Variants in SIPA1L1 observed in about 807,000 individuals in gnomAD.
The protein encoded by SIPA1L1 is signal induced proliferation associated 1 like 1.
SIPA1L1 carries 26 observed loss-of-function variants against 162.7 expected under a neutral mutation model. That is an observed-to-expected ratio of 0.16 (90% CI 0.12 to 0.22). The LOEUF (loss-of-function observed/expected upper bound fraction) is 0.22. SIPA1L1 is among the 10% of genes least tolerant of loss of function. The probability of loss-of-function intolerance (pLI) is 1.00; values close to 1 mark genes in which losing one functional copy is unlikely to be tolerated. For synonymous variants in SIPA1L1, 829 were observed against 837.4 expected (o/e 0.99, Z 0.17); for missense variants, 1,874 against 2,241.0 (o/e 0.84, Z 3.31).
At chr14:71,426,311 G>A (rs753732370) in intron 2 of SIPA1L1, among the ~76,000 whole-genome samples, 1 of 151,534 alleles carries the variant, frequency 6.6e-6, no homozygotes, top group Non-Finnish European at 1.5e-5. Context: ...TAGCTTTTTG[G>A]TTCCTTATTT....
At chr14:71,544,485 T>G (rs1361282965) in intron 4 of SIPA1L1, among the ~76,000 whole-genome samples, 1 of 152,178 alleles carries the variant, frequency 6.6e-6, no homozygotes, top group Admixed American at 6.5e-5. Flanking sequence ...TCAAATTTCT[T>G]GAGTTTTTTT....
At chr14:71,358,615 C>T (rs1421804202) in intron 2 of SIPA1L1, among the ~76,000 whole-genome samples, 1 of 152,156 alleles carries the variant, frequency 6.6e-6, no homozygotes, top group African/African-American at 2.4e-5. Flanking sequence ...AACAGCCTGT[C>T]CTTTTTCTTT....
chr14:71,432,406 A>G (rs372989964), intron 2 of SIPA1L1, among the ~76,000 whole-genome samples: 7 of 152,174 alleles, frequency 4.6e-5, no homozygotes, highest in East Asian at 3.9e-4. Flanking sequence ...CTCTCTGAGC[A>G]TGAATTCCTT....
chr14:71,660,452 ACTG>A (rs2043417199), intron 9 of SIPA1L1, among the ~76,000 whole-genome samples: 1 of 152,100 alleles, frequency 6.6e-6, no homozygotes, highest in Non-Finnish European at 1.5e-5. Context: ...ATACTAGATC[ACTG>A]ATTTTACTGG....
chr14:71,647,127 T>C (rs1363581595), intron 7 of SIPA1L1, among the ~76,000 whole-genome samples: 1 of 152,150 alleles, frequency 6.6e-6, no homozygotes, highest in African/African-American at 2.4e-5. Flanking sequence ...GAAATCAAGA[T>C]ACAGTCACAT....
intron 5 of SIPA1L1, among the ~76,000 whole-genome samples, chr14:71,614,295 T>C (rs1441390135): frequency 6.6e-6 from 1 of 151,634 alleles, no homozygotes; most frequent in African/African-American, 2.4e-5. Flanking sequence ...TACCAGAGGG[T>C]TAAATTTAAA....
chr14:71,456,720 G>C (rs2046215080), intron 2 of SIPA1L1, among the ~76,000 whole-genome samples: 1 of 152,160 alleles, frequency 6.6e-6, no homozygotes, highest in African/African-American at 2.4e-5. Context: ...ACATTTTTAA[G>C]TTTTTAATTT....
At chr14:71,497,351 C>A (rs940878770) in intron 2 of SIPA1L1, among the ~76,000 whole-genome samples, 1 of 152,082 alleles carries the variant, frequency 6.6e-6, no homozygotes, top group African/African-American at 2.4e-5. Flanking sequence ...TGGCCCATAC[C>A]GTTCTAAATG....
chr14:71,608,818 C>G (rs1284653748), intron 5 of SIPA1L1, among the ~76,000 whole-genome samples: 1 of 152,092 alleles, frequency 6.6e-6, no homozygotes, highest in African/African-American at 2.4e-5. Context: ...TTGCTTGAAC[C>G]TGGGAGTTGG....
rs140023480 is a variant in SIPA1L1, at chr14:71,477,282, T to C, written c.-464-35461T>C. On this transcript the variant is annotated intron_variant, in intron 2 of 23. Transcript: ENST00000381232. Reference sequence around the variant, plus strand: ...TAAAACAAGAACAAAAAAGTTCTTTTATGTTATACTGTCTCCCCACCTCTA... The same window carrying C: ...TAAAACAAGAACAAAAAAGTTCTTTCATGTTATACTGTCTCCCCACCTCTA... 1.3e-5 allele frequency among the ~76,000 whole-genome samples: 2 copies of C among 152,114 alleles called. 1 individual carries two copies. The highest frequency in any genetic ancestry group is 6.3e-3 in the Middle Eastern group (2 of 316).
At chr14:71,731,087 T>A (rs1237135843) in intron 20 of SIPA1L1, among the ~76,000 whole-genome samples, 1 of 152,190 alleles carries the variant, frequency 6.6e-6, no homozygotes, top group Non-Finnish European at 1.5e-5. Context: ...CTGTCCTTTT[T>A]CCTTTGGTGA....
chr14:71,348,602 G>C (rs1421663760), intron 2 of SIPA1L1, among the ~76,000 whole-genome samples: 3 of 152,194 alleles, frequency 2.0e-5, no homozygotes, highest in Non-Finnish European at 4.4e-5. Flanking sequence ...GTATGTCTAA[G>C]AGTGGACTTG....
Position 71,681,411 on chromosome 14 carries a change from C to G in SIPA1L1, c.3105-3951C>G, listed in dbSNP as rs549334880. On this transcript the variant is annotated intron_variant, in intron 12 of 23. Transcript: ENST00000381232. Reference sequence around the variant, plus strand: ...CAACCCTTTATTCTGTTGAGGGCCACTAGCCTATAGTTCTTAAAGAAAGCA... The same window carrying G: ...CAACCCTTTATTCTGTTGAGGGCCAGTAGCCTATAGTTCTTAAAGAAAGCA... 9.2e-5 allele frequency among the ~76,000 whole-genome samples: 14 copies of G among 152,304 alleles called. No homozygotes were observed. The South Asian group carries it at 2.9e-3, about 32-fold the overall frequency.
Position 71,724,818 on chromosome 14 carries a change from T to C in SIPA1L1, c.4597T>C (p.Ser1533Pro). Residue 1533 changes from serine (S) to proline (P), a missense_variant, in exon 19 of 24, where the codon TCA (serine) becomes CCA (proline). Around this residue, in one of 5 missense-constraint regions of SIPA1L1, gnomAD observed 936 missense variants for 1,051.9 expected, o/e 0.89. Coordinates refer to ENST00000381232, the MANE Select transcript of SIPA1L1 (RefSeq NM_001386936.1). ...LIDLESPTPE[S>P]QKSFKFHALS... The stretch of plus-strand genomic sequence containing the variant: ...TGATCTTGAAAGCCCAACTCCTGAA[T>C]CACAGAAGAGTTTTAAGGTACAAGA... The C allele has an allele frequency of 2.5e-6, 4 of 1,614,130 alleles. No homozygotes were observed. Among genetic ancestry groups the C allele is most frequent in the Non-Finnish European group, 3.4e-6 (4 of 1,179,996 alleles).
intron 13 of SIPA1L1, among the ~76,000 whole-genome samples, chr14:71,695,989 AAT>A (rs2081596274): frequency 1.3e-5 from 2 of 152,318 alleles, no homozygotes; most frequent in South Asian, 4.1e-4. Context: ...AGAAATTTGC[AAT>A]ATGTCTCAGT....
chr14:71,547,831 A>G lies in SIPA1L1; in HGVS notation c.-303+18461A>G, dbSNP rs965513235. ...TTCATTCCATTTCTTCACCCAAACC[A>G]ATGTCTGTTGCTCCATTTTTGTTTG... On this transcript the variant is annotated intron_variant, in intron 4 of 23. Coordinates refer to ENST00000381232, the MANE Select transcript of SIPA1L1 (RefSeq NM_001386936.1). Among the ~76,000 whole-genome samples the G allele has an allele frequency of 5.9e-5, 9 of 152,110 alleles. 1 individual carries two copies. Among genetic ancestry groups the G allele is most frequent in the Admixed American group, 5.2e-4 (8 of 15,278 alleles).
intron 5 of SIPA1L1, among the ~76,000 whole-genome samples, chr14:71,597,993 ATTGAG>A (rs1288935612): frequency 6.6e-6 from 1 of 152,226 alleles, no homozygotes; most frequent in Non-Finnish European, 1.5e-5. Context: ...CCTAAAATTT[ATTGAG>A]TTGAGGAGCC....
chr14:71,557,998 C>T (rs1166707257), intron 4 of SIPA1L1, among the ~76,000 whole-genome samples: 1 of 152,092 alleles, frequency 6.6e-6, no homozygotes, highest in Admixed American at 6.5e-5. Flanking sequence ...GATTTTTACA[C>T]CAAAAACTCA....
chr14:71,673,228 C>G (rs2044722144), intron 12 of SIPA1L1, among the ~76,000 whole-genome samples: 1 of 152,222 alleles, frequency 6.6e-6, no homozygotes. Context: ...CCCCCCACAG[C>G]TCCTGCCAAG....
Sources: allele counts gnomAD v4.1 joint callset (sites outside exome capture counted in the v4.1 genomes callset), GRCh38; gene constraint gnomAD v4.1.1; regional missense constraint gnomAD v4.1.1; transcripts MANE v1.5; gene names NCBI Gene and HGNC (gene_info 2026-07-23, HGNC 2026-07-21).